MEF2A: variants seen among roughly 807,000 people sequenced by gnomAD.
MEF2A encodes myocyte enhancer factor 2A.
A neutral mutation model predicts 55.8 loss-of-function variants in MEF2A; 28 were observed. That is an observed-to-expected ratio of 0.50 (90% CI 0.37 to 0.69). MEF2A has a LOEUF of 0.69. Ranked by LOEUF, MEF2A falls within the 30% of genes least tolerant of loss-of-function variation. The pLI is 0.00. For synonymous variants in MEF2A, 239 were observed against 227.1 expected (o/e 1.05, Z -0.47); for missense variants, 528 against 626.2 (o/e 0.84, Z 1.67).
At chr15:99,593,934 AT>A (rs566928283) in intron 1 of MEF2A, among the ~76,000 whole-genome samples, 9 of 150,124 alleles carry the variant, frequency 6.0e-5, no homozygotes, top group South Asian at 4.2e-4. Flanking sequence ...AAAACAAATT[AT>A]TTTTTTTTTG....
chr15:99,599,569 TA>T (rs1972309382), intron 2 of MEF2A, among the ~76,000 whole-genome samples: 2 of 152,174 alleles, frequency 1.3e-5, no homozygotes, highest in South Asian at 4.1e-4. Flanking sequence ...TTTCTTGTTA[TA>T]ACTTGACTGA....
chr15:99,570,374 CAAG>C (rs1170832611), intron 1 of MEF2A, among the ~76,000 whole-genome samples: 2 of 151,930 alleles, frequency 1.3e-5, no homozygotes, highest in South Asian at 2.1e-4. Flanking sequence ...ACAAAATAAA[CAAG>C]AAAACATGAA....
intron 1 of MEF2A, among the ~76,000 whole-genome samples, chr15:99,581,856 A>G (rs1268408289): frequency 6.6e-6 from 1 of 152,116 alleles, no homozygotes; most frequent in Non-Finnish European, 1.5e-5. Flanking sequence ...TTTGAACTGG[A>G]TATCAAGTTT....
chr15:99,699,477 C>T (rs2057037841), intron 8 of MEF2A, among the ~76,000 whole-genome samples: 1 of 152,128 alleles, frequency 6.6e-6, no homozygotes. Flanking sequence ...TTGTTAGATG[C>T]ATGGGTCTGT....
chr15:99,589,752 G>T (rs1356345116), intron 1 of MEF2A, among the ~76,000 whole-genome samples: 1 of 151,864 alleles, frequency 6.6e-6, no homozygotes, highest in Non-Finnish European at 1.5e-5. Flanking sequence ...GAGTTATTTA[G>T]AAATCTTAAT....
intron 1 of MEF2A, among the ~76,000 whole-genome samples, chr15:99,572,666 A>G (rs1388094738): frequency 1.3e-5 from 2 of 152,194 alleles, no homozygotes; most frequent in Non-Finnish European, 2.9e-5. Flanking sequence ...TGTCTTGCAC[A>G]CATAGTTATA....
At chr15:99,663,436 G>T (rs1253778037) in intron 4 of MEF2A, among the ~76,000 whole-genome samples, 1 of 151,806 alleles carries the variant, frequency 6.6e-6, no homozygotes, top group East Asian at 1.9e-4. Flanking sequence ...ATGCTCAACT[G>T]TATAATTGTC....
chr15:99,590,792 G>C (rs979396280), intron 1 of MEF2A, among the ~76,000 whole-genome samples: 13 of 151,224 alleles, frequency 8.6e-5, no homozygotes, highest in Admixed American at 6.6e-5. Flanking sequence ...TTTTGCTATT[G>C]TCATTGATTT....
chr15:99,602,216 G>T (rs1271530961), intron 2 of MEF2A, among the ~76,000 whole-genome samples: 1 of 152,148 alleles, frequency 6.6e-6, no homozygotes, highest in Non-Finnish European at 1.5e-5. Flanking sequence ...TGAGAGATCA[G>T]TGCGTGGTTT....
intron 1 of MEF2A, among the ~76,000 whole-genome samples, chr15:99,588,069 C>T (rs1282956367): frequency 6.6e-6 from 1 of 152,076 alleles, no homozygotes; most frequent in Non-Finnish European, 1.5e-5. Flanking sequence ...TCTGTGGATG[C>T]TCTTTATAGG....
intron 10 of MEF2A, among the ~76,000 whole-genome samples, chr15:99,708,196 G>A (rs2058249974): frequency 6.6e-6 from 1 of 152,234 alleles, no homozygotes; most frequent in Non-Finnish European, 1.5e-5. Flanking sequence ...TCCAAGTGAG[G>A]AGGCAGGACA....
At chr15:99,590,349 GTTAAT>G (rs139269962) in intron 1 of MEF2A, among the ~76,000 whole-genome samples, 31,586 of 149,600 alleles carry the variant, frequency 0.21, 3,927 homozygotes, top group South Asian at 0.32. Context: ...TCCTATCTGT[GTTAAT>G]TTAAAGTGAT....
At chr15:99,669,799 G>A (rs2050494083) in intron 4 of MEF2A, among the ~76,000 whole-genome samples, 1 of 152,116 alleles carries the variant, frequency 6.6e-6, no homozygotes. Flanking sequence ...AAGAAAAAAG[G>A]AGTAAAATAA....
At chr15:99,623,142 A>G (rs545399214) in intron 2 of MEF2A, among the ~76,000 whole-genome samples, 1 of 152,292 alleles carries the variant, frequency 6.6e-6, no homozygotes, top group African/African-American at 2.4e-5. Context: ...ACTTCATACC[A>G]ATGGACTCAT....
At chr15:99,573,760 A>G (rs887696098) in intron 1 of MEF2A, among the ~76,000 whole-genome samples, 2 of 152,250 alleles carry the variant, frequency 1.3e-5, no homozygotes, top group Non-Finnish European at 2.9e-5. Flanking sequence ...TTTGTAGCCA[A>G]CATTAGGAAC....
chr15:99,659,070 G>A (rs1407331180), intron 4 of MEF2A, among the ~76,000 whole-genome samples: 1 of 152,140 alleles, frequency 6.6e-6, no homozygotes, highest in African/African-American at 2.4e-5. Flanking sequence ...AACAAAAAGG[G>A]ATAGTGAAGA....
intron 1 of MEF2A, among the ~76,000 whole-genome samples, chr15:99,587,864 T>A (rs896847645): frequency 6.6e-6 from 1 of 152,172 alleles, no homozygotes; most frequent in Non-Finnish European, 1.5e-5. Flanking sequence ...CTGTGTGTGA[T>A]GTTTGTGAAT....
chr15:99,588,357 A>G (rs563645030), intron 1 of MEF2A, among the ~76,000 whole-genome samples: 7 of 151,956 alleles, frequency 4.6e-5, no homozygotes, highest in Non-Finnish European at 8.8e-5. Flanking sequence ...GCTGGAGTGC[A>G]GTGGCACGAT....
intron 10 of MEF2A, among the ~76,000 whole-genome samples, chr15:99,710,086 A>G (rs553234660): frequency 6.6e-6 from 1 of 152,210 alleles, no homozygotes; most frequent in Non-Finnish European, 1.5e-5. Context: ...TAACAATTGT[A>G]CAGAACACTC....
Sources: gnomAD v4.1 joint callset for allele counts (sites outside exome capture counted in the v4.1 genomes callset) on GRCh38, gnomAD v4.1.1 for gene constraint, MANE v1.5 for transcripts, NCBI Gene and HGNC (gene_info 2026-07-23, HGNC 2026-07-21) for gene names.